Variants in MYO16 observed in about 807,000 individuals in gnomAD.
MYO16 encodes unconventional myosin-XVI.
In MYO16, 94 loss-of-function variants were observed where a neutral mutation model predicts 205.3. That is an observed-to-expected ratio of 0.46 (90% CI 0.39 to 0.54). MYO16 has a LOEUF of 0.54. Among genes scored for constraint, MYO16 ranks in the 20% least tolerant of loss-of-function variants. The pLI is 0.00. For synonymous variants in MYO16, 988 were observed against 954.0 expected (o/e 1.04, Z -0.66); for missense variants, 2,315 against 2,387.5 (o/e 0.97, Z 0.63).
intron 34 of MYO16, among the ~76,000 whole-genome samples, chr13:109,194,955 A>AAATGTAT (rs1880085964): frequency 6.6e-6 from 1 of 152,128 alleles, no homozygotes; most frequent in Non-Finnish European, 1.5e-5. Context: ...TTTCAGTTAT[A>AAATGTAT]AATGTATAAT....
At chr13:108,869,675 G>A (rs1246840715) in intron 12 of MYO16, among the ~76,000 whole-genome samples, 3 of 142,938 alleles carry the variant, frequency 2.1e-5, no homozygotes, top group African/African-American at 5.2e-5. Context: ...AGGTTGCAGT[G>A]AGCCGAGATC....
chr13:108,591,379 G>T (rs973701980), upstream of MYO16, among the ~76,000 whole-genome samples: 2 of 152,052 alleles, frequency 1.3e-5, no homozygotes, highest in South Asian at 2.1e-4. Flanking sequence ...AGCATTCAGT[G>T]CTTCTTTGAA....
At chr13:108,843,685 T>C (rs1483071993) in intron 9 of MYO16, among the ~76,000 whole-genome samples, 5 of 152,204 alleles carry the variant, frequency 3.3e-5, no homozygotes, top group Non-Finnish European at 7.3e-5. Flanking sequence ...GCAACATTTA[T>C]CATTTATTTT....
Position 108,910,097 on chromosome 13 carries a change from G to C in MYO16, c.1872G>C (p.Gly624=), listed in dbSNP as rs1268416852. ...NFLIFYLLMD[G]LSAEEKYGLH... ...TCATTTTCTACTTGTTGATGGATGG[G>C]TTATCTGCTGAAGAAAAATATGGAC... is the stretch of plus-strand genomic sequence containing the variant. Residue 624 remains glycine, a synonymous_variant, in exon 16 of 35, where the codon GGG becomes GGC. Transcript: ENST00000457511. 8 of 1,613,402 alleles carry C rather than the reference G, an allele frequency of 5.0e-6. No individual in the cohort carries two copies. The East Asian group carries it at 1.1e-4, about 23-fold the overall frequency.
intron 31 of MYO16, among the ~76,000 whole-genome samples, chr13:109,136,063 T>C (rs1255408818): frequency 6.6e-6 from 1 of 151,794 alleles, no homozygotes; most frequent in Non-Finnish European, 1.5e-5. Context: ...TTCTCCTTCC[T>C]TCCTTCCTTC....
At chr13:108,635,852 A>T (rs1880202804) in intron 1 of MYO16, among the ~76,000 whole-genome samples, 1 of 151,870 alleles carries the variant, frequency 6.6e-6, no homozygotes, top group East Asian at 1.9e-4. Flanking sequence ...ATGGCATCTG[A>T]TTTTTTACTA....
chr13:109,028,106 A>G (rs1325880747), intron 23 of MYO16, among the ~76,000 whole-genome samples: 1 of 152,066 alleles, frequency 6.6e-6, no homozygotes, highest in Non-Finnish European at 1.5e-5. Flanking sequence ...ACTTTAGTAG[A>G]TGATAGGAAA....
the MYO16 span, among the ~76,000 whole-genome samples, chr13:108,588,914 A>G: frequency 6.6e-6 from 1 of 151,786 alleles, no homozygotes; most frequent in Non-Finnish European, 1.5e-5. Context: ...TTACTGCTGT[A>G]TAGTTTAGCC....
chr13:108,989,611 C>A (rs1022427746), intron 20 of MYO16, among the ~76,000 whole-genome samples: 5 of 152,026 alleles, frequency 3.3e-5, no homozygotes, highest in African/African-American at 1.2e-4. Context: ...ATTAAGATAA[C>A]AATGAACATC....
At chr13:109,155,494 C>T (rs1192369957) in intron 32 of MYO16, among the ~76,000 whole-genome samples, 1 of 152,140 alleles carries the variant, frequency 6.6e-6, no homozygotes, top group African/African-American at 2.4e-5. Flanking sequence ...CACACGCAAC[C>T]TTTCCAAGGT....
intron 27 of MYO16, among the ~76,000 whole-genome samples, chr13:109,088,825 A>G (rs1052653714): frequency 6.6e-6 from 1 of 152,200 alleles, no homozygotes; most frequent in African/African-American, 2.4e-5. Flanking sequence ...GGCCATGGCC[A>G]GACGATGGTG....
At chr13:108,984,863 A>G (rs1173259134) in intron 20 of MYO16, among the ~76,000 whole-genome samples, 1 of 152,170 alleles carries the variant, frequency 6.6e-6, no homozygotes, top group African/African-American at 2.4e-5. Flanking sequence ...AGATCTCTTA[A>G]AGATCACTGG....
At chr13:109,119,050 G>C (rs1298642937) in intron 28 of MYO16, among the ~76,000 whole-genome samples, 1 of 145,924 alleles carries the variant, frequency 6.9e-6, no homozygotes, top group Non-Finnish European at 1.5e-5. Context: ...TGGCAAAACT[G>C]TGTTTTATTA....
chr13:109,067,031 T>G (rs1295806661), intron 27 of MYO16, among the ~76,000 whole-genome samples: 1 of 152,192 alleles, frequency 6.6e-6, no homozygotes, highest in Non-Finnish European at 1.5e-5. Context: ...TGCTCACTCT[T>G]ATTTCATACA....
intron 1 of MYO16, among the ~76,000 whole-genome samples, chr13:108,637,919 C>G (rs1321587958): frequency 6.6e-6 from 1 of 151,980 alleles, no homozygotes; most frequent in Non-Finnish European, 1.5e-5. Flanking sequence ...GACGAACAAG[C>G]AAGCTAACAT....
chr13:108,566,750 G>T, the MYO16 span, among the ~76,000 whole-genome samples: 1 of 122,886 alleles, frequency 8.1e-6, no homozygotes, highest in Non-Finnish European at 1.7e-5. Context: ...AGGAAGGAAG[G>T]AAGGAAGGAA....
chr13:108,546,469 A>G, the MYO16 span, among the ~76,000 whole-genome samples: 2,368 of 152,288 alleles, frequency 0.016, 20 homozygotes, highest in Non-Finnish European at 0.022. Context: ...ATTTATCTTT[A>G]GAGAATCTAT....
intron 14 of MYO16, among the ~76,000 whole-genome samples, chr13:108,892,374 G>A (rs1880215164): frequency 6.6e-6 from 1 of 151,994 alleles, no homozygotes. Context: ...CAAGCAGCTG[G>A]GATTACAGGC....
intron 30 of MYO16, among the ~76,000 whole-genome samples, chr13:109,126,386 C>G (rs1876251609): frequency 1.3e-5 from 2 of 152,124 alleles, no homozygotes; most frequent in Non-Finnish European, 1.5e-5. Flanking sequence ...TGTTCTGCCA[C>G]AGAAAGATAT....
Sources: allele counts gnomAD v4.1 joint callset (sites outside exome capture counted in the v4.1 genomes callset), GRCh38; gene constraint gnomAD v4.1.1; transcripts MANE v1.5; gene names NCBI Gene and HGNC (gene_info 2026-07-23, HGNC 2026-07-21).